The following PTPRT variants were observed in gnomAD, a reference collection of about 807,000 sequenced individuals.
PTPRT encodes receptor-type tyrosine-protein phosphatase T.
A neutral mutation model predicts 176.8 loss-of-function variants in PTPRT; 56 were observed. The observed-to-expected ratio is 0.32, with a 90% confidence interval of 0.26 to 0.40. PTPRT has a LOEUF of 0.40. PTPRT is among the 10% of genes least tolerant of loss of function. PTPRT has a pLI of 1.00. For synonymous variants in PTPRT, 783 were observed against 739.0 expected, an observed-to-expected ratio of 1.06 and a Z score of -0.96; for missense variants, 1,540 against 1,908.2, an observed-to-expected ratio of 0.81 and a Z score of 3.60.
At chr20:42,125,551 C>G (rs1285851254) in intron 19 of PTPRT, among the ~76,000 whole-genome samples, 1 of 152,170 alleles carries the variant, frequency 6.6e-6, no homozygotes, top group African/African-American at 2.4e-5. Context: ...GTGGTGTGTC[C>G]TAAGTGGGCA....
intron 15 of PTPRT, among the ~76,000 whole-genome samples, chr20:42,233,212 T>A (rs1451936680): frequency 6.6e-6 from 1 of 152,154 alleles, no homozygotes; most frequent in Admixed American, 6.5e-5. Context: ...GTTCCAAACA[T>A]CCACGTCCTA....
In PTPRT at chr20:42,821,292, C is replaced by T. The variant is rs1261040191; in HGVS notation, c.215-29826G>A. Reference sequence around the variant, plus strand: ...CAATAAATGTAATCCATCACATAAACAGAACCAAAGACAAAAACCACATGA... The same window carrying T: ...CAATAAATGTAATCCATCACATAAATAGAACCAAAGACAAAAACCACATGA... On this transcript the variant is annotated intron_variant, in intron 2 of 30. Transcript: ENST00000373187. 2.6e-5 allele frequency among the ~76,000 whole-genome samples: 4 copies of T among 152,138 alleles called. No individual in the cohort carries two copies. The South Asian group carries it at 6.2e-4, about 24-fold the overall frequency.
chr20:42,299,104 T>C (rs2057424612), intron 12 of PTPRT, among the ~76,000 whole-genome samples: 1 of 152,082 alleles, frequency 6.6e-6, no homozygotes, highest in African/African-American at 2.4e-5. Flanking sequence ...GCCAAGAAAT[T>C]AATGACATTG....
At chr20:42,329,306 T>C (rs994249484) in intron 11 of PTPRT, among the ~76,000 whole-genome samples, 6 of 152,142 alleles carry the variant, frequency 3.9e-5, no homozygotes, top group South Asian at 2.1e-4. Flanking sequence ...TAAAAATTCA[T>C]AGGGAAACAT....
At chr20:42,646,787 T>A (rs183992270) in intron 7 of PTPRT, among the ~76,000 whole-genome samples, 1 of 142,308 alleles carries the variant, frequency 7.0e-6, no homozygotes, top group East Asian at 2.2e-4. Flanking sequence ...CCCACCCACA[T>A]CCCTCCCTCC....
At chr20:42,701,765 T>G (rs2075977077) in intron 6 of PTPRT, among the ~76,000 whole-genome samples, 1 of 152,056 alleles carries the variant, frequency 6.6e-6, no homozygotes, top group Non-Finnish European at 1.5e-5. Flanking sequence ...AGAAGACACT[T>G]GGATCACGAG....
chr20:42,772,532 T>C (rs969080743), intron 4 of PTPRT, among the ~76,000 whole-genome samples: 2 of 152,192 alleles, frequency 1.3e-5, no homozygotes, highest in African/African-American at 4.8e-5. Context: ...TCCTTTTTTG[T>C]GGAGAAGGGT....
chr20:42,224,367 T>C (rs1004384087), intron 15 of PTPRT, among the ~76,000 whole-genome samples: 4 of 152,236 alleles, frequency 2.6e-5, no homozygotes, highest in Non-Finnish European at 5.9e-5. Context: ...TGTACATTTA[T>C]GAACAGTCTA....
intron 2 of PTPRT, among the ~76,000 whole-genome samples, chr20:42,851,717 G>A (rs2078474652): frequency 6.6e-6 from 1 of 152,158 alleles, no homozygotes; most frequent in African/African-American, 2.4e-5. Context: ...CAACTACTCA[G>A]TTCTGCCATG....
chr20:42,044,769 G>A, the PTPRT span, among the ~76,000 whole-genome samples: 1 of 152,160 alleles, frequency 6.6e-6, no homozygotes, highest in African/African-American at 2.4e-5. Flanking sequence ...TCACAAACTT[G>A]GTGACTTAAA....
At chr20:42,392,498 AT>A (rs1218196130) in intron 9 of PTPRT, among the ~76,000 whole-genome samples, 3 of 152,210 alleles carry the variant, frequency 2.0e-5, no homozygotes, top group South Asian at 2.1e-4. Flanking sequence ...TTTTAAAAAA[AT>A]AACTGCCATT....
At chr20:42,508,925 A>T (rs1486203215) in intron 7 of PTPRT, among the ~76,000 whole-genome samples, 2 of 144,022 alleles carry the variant, frequency 1.4e-5, no homozygotes, top group Non-Finnish European at 3.0e-5. Flanking sequence ...ATAAATATAA[A>T]TAATATAATT....
chr20:42,197,243 G>A (rs1409379569), intron 16 of PTPRT, among the ~76,000 whole-genome samples: 1 of 151,848 alleles, frequency 6.6e-6, no homozygotes, highest in Non-Finnish European at 1.5e-5. Context: ...GCCACGCGTG[G>A]TGGTGGGCAC....
At position 43,189,193 on chromosome 20, in the gene PTPRT, C is replaced by A. The variant is rs1031296407; in HGVS notation, c.88+453G>T. On this transcript the variant is annotated intron_variant, in intron 1 of 30. Transcript: ENST00000373187. The surrounding 1 kb of genome is among the most constrained non-coding windows in gnomAD (Gnocchi z 5.0). ...AAAAGAAAAGCCGCCGCCCCGGCAG[C>A]CTCGGCCTGCTGGGGACCTGTCCTC... Among the ~76,000 whole-genome samples, 1 of 152,200 alleles carries A rather than the reference C, an allele frequency of 6.6e-6. No individual in the cohort carries two copies. The highest frequency in any genetic ancestry group is 1.5e-5 in the Non-Finnish European group (1 of 68,036).
intron 12 of PTPRT, among the ~76,000 whole-genome samples, chr20:42,300,774 TTA>T (rs2057454736): frequency 6.7e-6 from 1 of 148,638 alleles, no homozygotes. Context: ...ATTATTATTA[TTA>T]TTATTTATTA....
At chr20:42,679,301 A>G (rs2075562251) in intron 6 of PTPRT, among the ~76,000 whole-genome samples, 1 of 151,356 alleles carries the variant, frequency 6.6e-6, no homozygotes, top group South Asian at 2.1e-4. Flanking sequence ...TAATGGGGAA[A>G]AAAAAAAAAA....
chr20:42,889,321 C>A (rs2079153582), intron 1 of PTPRT, among the ~76,000 whole-genome samples: 1 of 152,252 alleles, frequency 6.6e-6, no homozygotes. Flanking sequence ...AGCAGCAGGC[C>A]TTGGACCTCA....
chr20:43,103,750 G>GTAATAATAATAATAATAATAA lies in PTPRT; in HGVS notation c.88+85875_88+85895dup, dbSNP rs3092031. Among the ~76,000 whole-genome samples the GTAATAATAATAATAATAATAA allele has an allele frequency of 4.2e-3, 609 of 146,082 alleles. 5 individuals are homozygous for GTAATAATAATAATAATAATAA. The highest frequency in any genetic ancestry group is 0.011 in the African/African-American group (453 of 39,674). On this transcript the variant is annotated intron_variant, in intron 1 of 30. Coordinates refer to ENST00000373187, the MANE Select transcript of PTPRT (RefSeq NM_007050.6). ...TTCATTTCATGGAGAGGGGAGATCA[G>GTAATAATAATAATAATAATAA]TAATAATAATAATAATAATAATAAT...
At chr20:42,411,860 A>T (rs1158858653) in intron 9 of PTPRT, among the ~76,000 whole-genome samples, 1 of 149,552 alleles carries the variant, frequency 6.7e-6, no homozygotes, top group Non-Finnish European at 1.5e-5. Flanking sequence ...AAAAAAAAAT[A>T]GTATCAGAGA....
Sources: gnomAD v4.1 joint callset for allele counts (sites outside exome capture counted in the v4.1 genomes callset) on GRCh38, gnomAD v4.1.1 for gene constraint, Gnocchi (gnomAD v3.1) non-coding constraint, MANE v1.5 for transcripts, NCBI Gene and HGNC (gene_info 2026-07-23, HGNC 2026-07-21) for gene names.